CASK: variants seen among roughly 807,000 people sequenced by gnomAD.
CASK encodes the protein peripheral plasma membrane protein CASK.
A neutral mutation model predicts 82.9 loss-of-function variants in CASK; 4 were observed. The ratio of observed to expected loss-of-function variants is 0.05; its 90% CI spans 0.02 to 0.11. CASK has a LOEUF of 0.11. CASK is among the 10% of genes least tolerant of loss of function. The pLI is 1.00. For missense variants in CASK, 358 were observed against 720.9 expected (o/e 0.50, Z 5.76); for synonymous variants, 259 against 253.5 (o/e 1.02, Z -0.20).
At chrX:41,727,862 A>G (rs763340806) in intron 5 of CASK, 1 of 1,201,051 alleles carries the variant, frequency 8.3e-7, no homozygotes, top group Admixed American at 2.2e-5. Flanking sequence ...CACCAAAGAG[A>G]TAACTGTCAG....
intron 15 of CASK, among the ~76,000 whole-genome samples, chrX:41,573,938 A>G (rs1348803466): frequency 1.8e-5 from 2 of 111,332 alleles, no homozygotes; most frequent in East Asian, 5.6e-4. Context: ...AGCGCTCTAC[A>G]CAATGAGCCA....
intron 8 of CASK, among the ~76,000 whole-genome samples, chrX:41,649,742 A>G (rs2066829860): frequency 9.0e-6 from 1 of 111,720 alleles, no homozygotes; most frequent in South Asian, 3.8e-4. Flanking sequence ...TTTGGGGTGG[A>G]GAGTTCTGTA....
At chrX:41,571,531 C>G (rs760678683) in intron 15 of CASK, among the ~76,000 whole-genome samples, 7 of 111,509 alleles carry the variant, frequency 6.3e-5, no homozygotes, top group Non-Finnish European at 1.3e-4. Context: ...GTTGGTAATT[C>G]ATGTTTTTTT....
intron 6 of CASK, 73 bp downstream of exon 6, chrX:41,671,355 G>A (rs762826990): frequency 7.9e-6 from 5 of 632,343 alleles, no homozygotes; most frequent in Admixed American, 4.8e-5. Flanking sequence ...GGGCTAATAT[G>A]TAGCTTGAAA....
chrX:41,694,031 G>A (rs2067631210), intron 5 of CASK, among the ~76,000 whole-genome samples: 1 of 111,586 alleles, frequency 9.0e-6, no homozygotes, highest in Non-Finnish European at 1.9e-5. Context: ...TAGCAGTCAG[G>A]GTTTGAATGT....
At chrX:41,898,017 A>AT (rs1345722715) in intron 1 of CASK, among the ~76,000 whole-genome samples, 1 of 111,663 alleles carries the variant, frequency 9.0e-6, no homozygotes, top group Non-Finnish European at 1.9e-5. Context: ...TCCCTCTTCA[A>AT]TTTTTTGGAA....
intron 5 of CASK, chrX:41,726,984 C>T (rs972879918): frequency 2.6e-6 from 2 of 755,137 alleles, no homozygotes; most frequent in Non-Finnish European, 3.8e-6. Context: ...ATCTGCAATT[C>T]TATTCTAGCT....
chrX:41,571,094 T>C (rs1186596037), intron 15 of CASK: 1 of 112,295 alleles, frequency 8.9e-6, no homozygotes, highest in Non-Finnish European at 1.9e-5. Context: ...TTTTTACATC[T>C]ACATTCATGA....
chrX:41,847,386 T>C (rs1427892190), intron 2 of CASK, among the ~76,000 whole-genome samples: 1 of 111,974 alleles, frequency 8.9e-6, no homozygotes, highest in Non-Finnish European at 1.9e-5. Flanking sequence ...TGCCTGCTCA[T>C]ATCTGCTGCT....
intron 2 of CASK, 107 bp from the exon 3 acceptor site, chrX:41,787,390 C>T: frequency 1.8e-6 from 1 of 542,542 alleles, no homozygotes; most frequent in Non-Finnish European, 3.3e-6. Context: ...ACTTCTCTAA[C>T]TAGAGAGATG....
intron 1 of CASK, among the ~76,000 whole-genome samples, chrX:41,901,778 C>G (rs1347589721): frequency 8.9e-6 from 1 of 111,912 alleles, no homozygotes; most frequent in African/African-American, 3.3e-5. Context: ...GCATGCAGGG[C>G]AGGCCTAAAG....
chrX:41,875,469 A>C (rs1320280893), intron 1 of CASK, among the ~76,000 whole-genome samples: 1 of 111,498 alleles, frequency 9.0e-6, no homozygotes, highest in Non-Finnish European at 1.9e-5. Context: ...TAGTCATCAG[A>C]AACAGCACTA....
intron 2 of CASK, among the ~76,000 whole-genome samples, chrX:41,798,035 T>C (rs1033341690): frequency 8.9e-6 from 1 of 112,339 alleles, no homozygotes; most frequent in Non-Finnish European, 1.9e-5. Flanking sequence ...GTTTATATAC[T>C]ATATTATTTA....
chrX:41,669,624 G>A (rs986097211), intron 6 of CASK, among the ~76,000 whole-genome samples: 2 of 112,016 alleles, frequency 1.8e-5, no homozygotes, highest in African/African-American at 6.5e-5. Context: ...GCTTAACAGT[G>A]ACATTTGTTT....
chrX:41,699,480 T>C (rs1019434274), intron 5 of CASK, among the ~76,000 whole-genome samples: 22 of 111,407 alleles, frequency 2.0e-4, no homozygotes, highest in African/African-American at 6.8e-4. Context: ...TTTTCCTTCA[T>C]GTCCTCAAAC....
intron 26 of CASK, among the ~76,000 whole-genome samples, chrX:41,523,716 G>C (rs1262640661): frequency 8.9e-6 from 1 of 112,242 alleles, no homozygotes; most frequent in Admixed American, 9.4e-5. Context: ...TAGGCTGGCA[G>C]CCCTGGAGGT....
intron 12 of CASK, among the ~76,000 whole-genome samples, chrX:41,592,926 G>C (rs2065768211): frequency 9.0e-6 from 1 of 111,725 alleles, no homozygotes; most frequent in Admixed American, 9.5e-5. Context: ...TTCATAGGTG[G>C]CACACAAGTG....
At chrX:41,812,629 A>G (rs1395346604) in intron 2 of CASK, among the ~76,000 whole-genome samples, 18 of 111,673 alleles carry the variant, frequency 1.6e-4, no homozygotes, top group African/African-American at 4.9e-4. Flanking sequence ...CCCACAGCCA[A>G]TATCATACTG....
chrX:41,627,864 C>T (rs1459218966), intron 9 of CASK, among the ~76,000 whole-genome samples: 1 of 111,497 alleles, frequency 9.0e-6, no homozygotes, highest in African/African-American at 3.3e-5. Flanking sequence ...ATTAGCCCGG[C>T]ATGGTGGCGC....
Sources: allele counts gnomAD v4.1 joint callset (sites outside exome capture counted in the v4.1 genomes callset), GRCh38; gene constraint gnomAD v4.1.1; transcripts MANE v1.5; gene names NCBI Gene and HGNC (gene_info 2026-07-23, HGNC 2026-07-21).